GRIP1: variants seen among roughly 807,000 people sequenced by gnomAD.
GRIP1 encodes the protein glutamate receptor interacting protein 1, also known as glutamate receptor-interacting protein 1.
Under a neutral mutation model 129.9 loss-of-function variants are expected in GRIP1, and 45 were observed. The ratio of observed to expected loss-of-function variants is 0.35; its 90% CI spans 0.27 to 0.44. The LOEUF is 0.44. Among genes scored for constraint, GRIP1 ranks in the 20% least tolerant of loss-of-function variants. The pLI is 1.00. For missense variants in GRIP1, 1,196 were observed against 1,396.8 expected (o/e 0.86, Z 2.29); for synonymous variants, 530 against 520.8 (o/e 1.02, Z -0.24).
At chr12:67,020,157 T>C (rs2135740982) in intron 1 of GRIP1, among the ~76,000 whole-genome samples, 1 of 152,326 alleles carries the variant, frequency 6.6e-6, no homozygotes, top group Middle Eastern at 3.4e-3. Flanking sequence ...TTTTCAATAC[T>C]ACTACAAAGC....
chr12:66,929,430 C>T (rs1316912634), intron 1 of GRIP1, among the ~76,000 whole-genome samples: 3 of 152,220 alleles, frequency 2.0e-5, no homozygotes, highest in Non-Finnish European at 4.4e-5. Flanking sequence ...ATTCATTCCC[C>T]TGTATATTGT....
chr12:66,603,519 T>A (rs1000027771), intron 1 of GRIP1, among the ~76,000 whole-genome samples: 1 of 152,146 alleles, frequency 6.6e-6, no homozygotes, highest in African/African-American at 2.4e-5. Context: ...TAGCAAAATC[T>A]CCAGGTTATT....
intron 1 of GRIP1, among the ~76,000 whole-genome samples, chr12:66,913,237 T>G (rs1368864504): frequency 6.6e-6 from 1 of 152,172 alleles, no homozygotes; most frequent in African/African-American, 2.4e-5. Flanking sequence ...TTTAATTAGC[T>G]CACAAGCAAT....
At chr12:66,462,445 G>A (rs541284363) in intron 9 of GRIP1, among the ~76,000 whole-genome samples, 2 of 152,214 alleles carry the variant, frequency 1.3e-5, no homozygotes, top group African/African-American at 4.8e-5. Context: ...CATTCAATTT[G>A]CACCAAAGAC....
At chr12:66,579,201 T>G (rs1263479003) in intron 2 of GRIP1, among the ~76,000 whole-genome samples, 3 of 152,210 alleles carry the variant, frequency 2.0e-5, no homozygotes, top group African/African-American at 7.2e-5. Flanking sequence ...CTGAGGGTCC[T>G]GTCTGTTAGA....
rs116335105 is a variant in GRIP1 at position 66,403,137 on chromosome 12, T to A, written c.1984+3146A>T. Among the ~76,000 whole-genome samples, 1,124 of 152,264 alleles carry A rather than the reference T, an allele frequency of 7.4e-3. 15 individuals carry two copies. The highest frequency in any genetic ancestry group is 0.024 in the South Asian group (115 of 4,828). The stretch of plus-strand genomic sequence containing the variant: ...TAAACTGAGGTCTGATTTTTTTTTT[T>A]AATTTATTTCAATAGCTTTAAGGGT... On this transcript the variant is annotated intron_variant, in intron 16 of 24. Coordinates refer to ENST00000359742, the MANE Select transcript of GRIP1 (RefSeq NM_001366722.1).
chr12:66,658,911 G>A (rs2033333713), intron 1 of GRIP1, among the ~76,000 whole-genome samples: 1 of 150,448 alleles, frequency 6.6e-6, no homozygotes, highest in South Asian at 2.1e-4. Flanking sequence ...GCAACACAGT[G>A]AGATCTTGTC....
rs575952786 is a variant in GRIP1, at chr12:66,665,909, C to A, written c.55+12941G>T. ...GAGCAGTATATGAAAGTTCCAATTG[C>A]TTTAAATCTGGGCCAACTTTTCATA... On this transcript the variant is annotated intron_variant, in intron 1 of 24. Transcript: ENST00000359742. 3.3e-5 allele frequency among the ~76,000 whole-genome samples: 5 copies of A among 152,238 alleles called. No homozygotes were observed. The East Asian group carries it at 9.7e-4, about 29-fold the overall frequency.
chr12:66,645,493 G>C (rs1270994509), intron 1 of GRIP1, among the ~76,000 whole-genome samples: 1 of 152,112 alleles, frequency 6.6e-6, no homozygotes, highest in Non-Finnish European at 1.5e-5. Context: ...CTTTGGCTTG[G>C]AGAATTTAAG....
chr12:66,461,452 G>A (rs2059133462), intron 9 of GRIP1, among the ~76,000 whole-genome samples: 1 of 152,198 alleles, frequency 6.6e-6, no homozygotes, highest in Non-Finnish European at 1.5e-5. Flanking sequence ...CAGAGTGCAG[G>A]AAGGGCCCAC....
chr12:67,060,457 A>T (rs557932181), intron 1 of GRIP1, among the ~76,000 whole-genome samples: 1 of 152,268 alleles, frequency 6.6e-6, no homozygotes, highest in South Asian at 2.1e-4. Context: ...TTGTGGTTGT[A>T]CGAGAGCTAT....
At position 66,965,549 on chromosome 12, in the gene GRIP1, T is replaced by TTGTGTGTGTGTG. The variant is rs368637185; in HGVS notation, c.58+103489_58+103500dup. On this transcript the variant is annotated intron_variant, in intron 1 of 1. Transcript: ENST00000643019. ...TTCTTAGGCTACTGGAAAAGAAACA[T>TTGTGTGTGTGTG]TGTGTGTGTGTGTGTGTGTGTGTGT... 8.9e-3 allele frequency among the ~76,000 whole-genome samples: 1,140 copies of TTGTGTGTGTGTG among 128,304 alleles called. 18 individuals are homozygous for TTGTGTGTGTGTG. The highest frequency in any genetic ancestry group is 0.044 in the East Asian group (162 of 3,690). The allele number at this position is 128,304 out of a possible 152,430, so 84.2% of individuals were successfully genotyped here.
intron 19 of GRIP1, among the ~76,000 whole-genome samples, chr12:66,385,654 G>C (rs932434537): frequency 1.3e-5 from 2 of 151,972 alleles, no homozygotes; most frequent in Non-Finnish European, 2.9e-5. Context: ...CTATCGCCCA[G>C]GCTGGAGTGC....
chr12:66,876,618 G>A (rs768389353), intron 1 of GRIP1, among the ~76,000 whole-genome samples: 1 of 152,168 alleles, frequency 6.6e-6, no homozygotes, highest in South Asian at 2.1e-4. Flanking sequence ...AACTAGTTGA[G>A]TGACTGGTTT....
intron 1 of GRIP1, among the ~76,000 whole-genome samples, chr12:66,848,657 G>T (rs1291512126): frequency 1.3e-5 from 2 of 152,212 alleles, no homozygotes; most frequent in African/African-American, 4.8e-5. Context: ...TAAATAAACA[G>T]TAAAACCTAA....
chr12:66,640,762 G>T (rs1032422961), intron 1 of GRIP1, among the ~76,000 whole-genome samples: 7 of 152,158 alleles, frequency 4.6e-5, no homozygotes, highest in African/African-American at 1.7e-4. Context: ...AAGCCATTCT[G>T]GGTTTTGTCA....
At chr12:66,798,012 G>A (rs2038750435) in intron 1 of GRIP1, among the ~76,000 whole-genome samples, 1 of 152,166 alleles carries the variant, frequency 6.6e-6, no homozygotes, top group Non-Finnish European at 1.5e-5. Flanking sequence ...CAGAACTGAA[G>A]GAGAAACAGG....
chr12:66,584,284 C>A (rs2063524510), intron 2 of GRIP1, among the ~76,000 whole-genome samples: 1 of 151,692 alleles, frequency 6.6e-6, no homozygotes, highest in Admixed American at 6.6e-5. Flanking sequence ...GGAGGGATAG[C>A]ATTGGGAGAT....
At chr12:66,646,432 T>C (rs1178444585) in intron 1 of GRIP1, among the ~76,000 whole-genome samples, 1 of 152,188 alleles carries the variant, frequency 6.6e-6, no homozygotes, top group Admixed American at 6.5e-5. Flanking sequence ...GAGACCAGCC[T>C]GGCCAACATG....
Sources: gnomAD v4.1 joint callset for allele counts (sites outside exome capture counted in the v4.1 genomes callset) on GRCh38, gnomAD v4.1.1 for gene constraint, MANE v1.5 for transcripts, NCBI Gene and HGNC (gene_info 2026-07-23, HGNC 2026-07-21) for gene names.